Variants in AANAT observed in about 807,000 individuals in gnomAD.
The protein encoded by AANAT is serotonin N-acetyltransferase.
In AANAT, 11 loss-of-function variants were observed where a neutral mutation model predicts 15.6. The observed-to-expected ratio is 0.71, with a 90% CI of 0.44 to 1.17. The LOEUF (loss-of-function observed/expected upper bound fraction) is 1.17, where lower values mean the gene tolerates loss of function less well. AANAT is among the 50% of genes most tolerant of loss of function. The pLI is 0.00. For synonymous variants in AANAT, 139 were observed against 131.5 expected, an observed-to-expected ratio of 1.06 and a Z score of -0.39; for missense variants, 286 against 296.3, an observed-to-expected ratio of 0.97 and a Z score of 0.26.
At chr17:76,459,899 C>T (rs1015665695) in intron 2 of AANAT, among the ~76,000 whole-genome samples, 1 of 152,230 alleles carries the variant, frequency 6.6e-6, no homozygotes, top group Non-Finnish European at 1.5e-5. Flanking sequence ...GTAGGCCCCT[C>T]ACCAGGCCCC....
rs2073491562 is a variant in AANAT, at chr17:76,469,555, C to A, written c.319-110C>A. On this transcript the variant is annotated intron_variant, in intron 3 of 3. Transcript: ENST00000392492. This position sits in a 1 kb window ranked among gnomAD's most constrained non-coding sequence, Gnocchi z 5.2. The stretch of plus-strand genomic sequence containing the variant: ...GGGCCCTCCTTTGCTGGGGTGGGTG[C>A]CCTGACCACAGGCACCCAGGGGACA... The A allele has an allele frequency of 7.5e-6, 10 of 1,326,840 alleles. No homozygotes were observed. The highest frequency in any genetic ancestry group is 1.0e-5 in the Non-Finnish European group (10 of 1,002,510). 82.2% of individuals were successfully genotyped at this position (1,326,840 alleles called of 1,614,324 possible).
At chr17:76,468,528 G>A (rs2073465095) in intron 1 of AANAT, 144 bp from the exon 2 acceptor site, 1 of 688,600 alleles carries the variant, frequency 1.5e-6, no homozygotes, top group Non-Finnish European at 2.4e-6. Context: ...CAGCCTCGGG[G>A]ACCAGGTACC....
At chr17:76,457,301 C>CA (rs1319008344) in intron 1 of AANAT, among the ~76,000 whole-genome samples, 2 of 152,132 alleles carry the variant, frequency 1.3e-5, no homozygotes, top group Non-Finnish European at 2.9e-5. Context: ...CTTGCCCTCC[C>CA]AAAGTGTTGG....
intron 1 of AANAT, among the ~76,000 whole-genome samples, chr17:76,456,315 G>GAGCAAAACTA (rs2073342568): frequency 1.5e-5 from 2 of 134,352 alleles, no homozygotes; most frequent in African/African-American, 5.7e-5. Flanking sequence ...TGGGCAACAA[G>GAGCAAAACTA]AGCAAAACTC....
chr17:76,469,161 C>T lies in AANAT; in HGVS notation c.164-12C>T, dbSNP rs72466445. 2.5e-6 allele frequency: 4 copies of T among 1,613,756 alleles called. No homozygotes were observed. Among genetic ancestry groups the T allele is most frequent in the African/African-American group, 2.7e-5 (2 of 74,938 alleles). On this transcript the variant is annotated splice_polypyrimidine_tract_variant and intron_variant, in intron 2 of 3. Coordinates refer to ENST00000392492, the MANE Select transcript of AANAT (RefSeq NM_001088.3). This position sits in a 1 kb window ranked among gnomAD's most constrained non-coding sequence, Gnocchi z 5.2. ...GCGACTACCAGTCACCCACCTGAGC[C>T]TCCTGCCACAGCCTTCATCTCCGTC... is the stretch of plus-strand genomic sequence containing the variant.
chr17:76,464,985 C>T (rs1022376794), upstream of AANAT, among the ~76,000 whole-genome samples: 6 of 151,652 alleles, frequency 4.0e-5, no homozygotes, highest in South Asian at 2.1e-4. Flanking sequence ...TTAGTAGAGA[C>T]GGAGTTTCAC....
chr17:76,466,119 G>A, upstream of AANAT: 2 of 1,456,108 alleles, frequency 1.4e-6, no homozygotes, highest in South Asian at 1.2e-5. Context: ...TGAACAGCAG[G>A]CTCTTCTCAG....
Position 76,469,551 on chromosome 17 carries a change from G to C in AANAT, c.319-114G>C, listed in dbSNP as rs1410307058. The C allele has an allele frequency of 7.6e-7, 1 of 1,309,704 alleles. No homozygotes were observed. Among genetic ancestry groups the C allele is most frequent in the East Asian group, 2.6e-5 (1 of 38,988 alleles). The allele number at this position is 1,309,704 out of a possible 1,614,324, so 81.1% of individuals were successfully genotyped here. ...TTTGGGGCCCTCCTTTGCTGGGGTG[G>C]GTGCCCTGACCACAGGCACCCAGGG... On this transcript the variant is annotated intron_variant, in intron 3 of 3. Transcript: ENST00000392492. The surrounding 1 kb of genome is among the most constrained non-coding windows in gnomAD (Gnocchi z 5.2).
intron 1 of AANAT, among the ~76,000 whole-genome samples, chr17:76,458,439 G>A (rs1567863570): frequency 6.6e-6 from 1 of 152,166 alleles, no homozygotes; most frequent in South Asian, 2.1e-4. Flanking sequence ...GGTGTAGGAA[G>A]GAGGAAAAAA....
intron 1 of AANAT, among the ~76,000 whole-genome samples, chr17:76,455,632 G>GAATT (rs1555612091): frequency 6.6e-6 from 1 of 151,620 alleles, no homozygotes; most frequent in African/African-American, 2.4e-5. Flanking sequence ...CTAGTAAGTT[G>GAATT]GATATTACAG....
upstream of AANAT, chr17:76,465,862 A>G (rs1339371649): frequency 1.6e-4 from 51 of 311,726 alleles, 1 homozygote; most frequent in Admixed American, 2.0e-3. Context: ...ATTTATTTTT[A>G]TTTGTATTTT....
At chr17:76,464,764 T>C, upstream of AANAT, among the ~76,000 whole-genome samples, 1 of 151,832 alleles carries the variant, frequency 6.6e-6, no homozygotes, top group Non-Finnish European at 1.5e-5. Flanking sequence ...CTGGGAAACA[T>C]ACAGATGCCA....
rs2073495856 is a variant in AANAT at position 76,469,688 on chromosome 17, T to G, written c.342T>G (p.Ser114=). ...AGGAGTCACTGACGCTGCACAGGTCTGGGGGCCACATAGCCCACCTGCATG... is the reference window on the plus strand; with the variant it reads ...AGGAGTCACTGACGCTGCACAGGTCGGGGGGCCACATAGCCCACCTGCATG... ...LMQESLTLHR[S]GGHIAHLHVL... The change falls in exon 4 of 4, where the codon TCT becomes TCG. Residue 114 remains serine (S), a synonymous_variant. Transcript: ENST00000392492. This position sits in a 1 kb window ranked among gnomAD's most constrained non-coding sequence, Gnocchi z 5.2. The G allele has an allele frequency of 6.6e-7, 1 of 1,520,854 alleles. No individual in the cohort carries two copies. Among genetic ancestry groups the G allele is most frequent in the South Asian group, 1.3e-5 (1 of 77,754 alleles). 94.2% of individuals were successfully genotyped at this position (1,520,854 alleles called of 1,614,324 possible). A position where few individuals can be genotyped will look rare whatever the true frequency, so the allele number is the denominator to read the frequency against.
upstream of AANAT, among the ~76,000 whole-genome samples, chr17:76,466,493 CG>C (rs1000795618): frequency 6.6e-6 from 1 of 151,946 alleles, no homozygotes; most frequent in African/African-American, 2.4e-5. Context: ...GCTTCCTCTG[CG>C]GGGGGGTCGA....
chr17:76,457,257 G>A (rs1372011681), intron 1 of AANAT, among the ~76,000 whole-genome samples: 4 of 152,122 alleles, frequency 2.6e-5, no homozygotes, highest in African/African-American at 7.2e-5. Context: ...GGCCAGGCTG[G>A]TCTCGAACTC....
At chr17:76,466,084 G>GAC (rs1172161861), upstream of AANAT, 3 of 1,147,656 alleles carry the variant, frequency 2.6e-6, no homozygotes, top group African/African-American at 4.6e-5. Flanking sequence ...GGGCCATGTG[G>GAC]AAGTCAGCAA....
intron 1 of AANAT, among the ~76,000 whole-genome samples, chr17:76,457,826 G>A (rs1567863455): frequency 6.6e-6 from 1 of 152,202 alleles, no homozygotes; most frequent in Non-Finnish European, 1.5e-5. Flanking sequence ...GATCACCTGA[G>A]GTCAGGAGCT....
At chr17:76,456,881 G>A (rs183184360) in intron 1 of AANAT, among the ~76,000 whole-genome samples, 27 of 152,274 alleles carry the variant, frequency 1.8e-4, no homozygotes, top group East Asian at 7.7e-4. Flanking sequence ...GGAATTTGGC[G>A]CCTAAGGTAA....
intron 1 of AANAT, 27 bp from the exon 2 acceptor site, chr17:76,468,645 C>T (rs2073467039): frequency 4.6e-6 from 7 of 1,524,932 alleles, no homozygotes; most frequent in Non-Finnish European, 4.4e-6. Context: ...GAGGATGAGA[C>T]CCCTGTCCCT....
Sources: allele counts gnomAD v4.1 joint callset (sites outside exome capture counted in the v4.1 genomes callset), GRCh38; gene constraint gnomAD v4.1.1; non-coding constraint Gnocchi (gnomAD v3.1); transcripts MANE v1.5; gene names NCBI Gene and HGNC (gene_info 2026-07-23, HGNC 2026-07-21).